The following NPAS3 variants were observed in gnomAD, a reference collection of about 807,000 sequenced individuals.
The protein encoded by NPAS3 is neuronal PAS domain protein 3.
Under a neutral mutation model 73.1 loss-of-function variants are expected in NPAS3, and 14 were observed. The ratio of observed to expected loss-of-function variants is 0.19; its 90% CI spans 0.13 to 0.30. The LOEUF is 0.30. Ranked by LOEUF, NPAS3 falls within the 10% of genes least tolerant of loss-of-function variation. The probability of loss-of-function intolerance (pLI) is 1.00; values close to 1 mark genes in which losing one functional copy is unlikely to be tolerated. For synonymous variants in NPAS3, 620 were observed against 541.5 expected (o/e 1.14, Z -2.01); for missense variants, 1,096 against 1,250.0 (o/e 0.88, Z 1.86).
At chr14:32,947,508 A>C (rs924718529) in intron 1 of NPAS3, among the ~76,000 whole-genome samples, 1 of 152,162 alleles carries the variant, frequency 6.6e-6, no homozygotes, top group Non-Finnish European at 1.5e-5. Context: ...TATATATTCT[A>C]TTCAGGTATA....
intron 5 of NPAS3, among the ~76,000 whole-genome samples, chr14:33,627,443 A>T (rs961337687): frequency 1.3e-5 from 2 of 152,086 alleles, no homozygotes; most frequent in Admixed American, 6.5e-5. Flanking sequence ...AAAAAATTAG[A>T]CTTTAAGTTC....
chr14:33,484,647 A>C (rs1192348489), intron 4 of NPAS3, among the ~76,000 whole-genome samples: 1 of 152,234 alleles, frequency 6.6e-6, no homozygotes, highest in Non-Finnish European at 1.5e-5. Context: ...CACACAGATC[A>C]CATTCAAGTA....
At chr14:32,940,359 C>G (rs1051472587) in intron 1 of NPAS3, among the ~76,000 whole-genome samples, 2 of 152,194 alleles carry the variant, frequency 1.3e-5, no homozygotes, top group Admixed American at 6.5e-5. Flanking sequence ...CTCAGCACCC[C>G]CTCCCCATCA....
intron 1 of NPAS3, among the ~76,000 whole-genome samples, chr14:32,979,441 T>C (rs1380994215): frequency 1.3e-5 from 2 of 152,166 alleles, no homozygotes; most frequent in East Asian, 3.9e-4. Flanking sequence ...TTGTGGTAGG[T>C]AGCAGTATTC....
intron 4 of NPAS3, among the ~76,000 whole-genome samples, chr14:33,400,813 T>A (rs577182023): frequency 6.6e-6 from 1 of 151,974 alleles, no homozygotes; most frequent in Non-Finnish European, 1.5e-5. Context: ...GTATTGATGG[T>A]GTGTGTATGT....
intron 3 of NPAS3, among the ~76,000 whole-genome samples, chr14:33,266,941 C>A (rs1399030711): frequency 6.6e-6 from 1 of 152,140 alleles, no homozygotes; most frequent in Non-Finnish European, 1.5e-5. Flanking sequence ...AATTCTCTCT[C>A]ATTTTCTATC....
At chr14:33,350,663 T>C (rs2044997643) in intron 3 of NPAS3, among the ~76,000 whole-genome samples, 1 of 152,256 alleles carries the variant, frequency 6.6e-6, no homozygotes, top group Admixed American at 6.5e-5. Context: ...GGATTCGTGA[T>C]ACCTGACTAA....
chr14:32,944,642 A>G (rs2036178189), intron 1 of NPAS3, among the ~76,000 whole-genome samples: 1 of 152,176 alleles, frequency 6.6e-6, no homozygotes, highest in Non-Finnish European at 1.5e-5. Context: ...ATTAGTGTGA[A>G]TAGGATGTTT....
chr14:33,643,375 T>TAAAAAAAAAAAAAAAAAAAAAAAA (rs755879056), intron 5 of NPAS3, among the ~76,000 whole-genome samples: 2 of 94,636 alleles, frequency 2.1e-5, no homozygotes, highest in South Asian at 4.2e-4. Flanking sequence ...AAATAAAAAT[T>TAAAAAAAAAAAAAAAAAAAAAAAA]AAAAAAAAAA....
At chr14:33,027,900 G>A (rs911100400) in intron 1 of NPAS3, among the ~76,000 whole-genome samples, 1 of 152,090 alleles carries the variant, frequency 6.6e-6, no homozygotes, top group African/African-American at 2.4e-5. Context: ...AACTTTTCCT[G>A]TGCCTTCTTT....
intron 2 of NPAS3, among the ~76,000 whole-genome samples, chr14:33,154,491 G>T (rs1156381310): frequency 6.6e-6 from 1 of 152,216 alleles, no homozygotes; most frequent in African/African-American, 2.4e-5. Context: ...CCTTTGCACA[G>T]GGACAAATGC....
chr14:33,528,857 G>A (rs954010435), intron 4 of NPAS3, among the ~76,000 whole-genome samples: 4 of 152,086 alleles, frequency 2.6e-5, no homozygotes, highest in Non-Finnish European at 5.9e-5. Flanking sequence ...TAGCGGTCAC[G>A]TGTCACATCA....
At chr14:33,213,630 G>A (rs2047116332) in intron 2 of NPAS3, 3 of 152,168 alleles carry the variant, frequency 2.0e-5, no homozygotes, top group Admixed American at 6.5e-5. Flanking sequence ...TTGTAAATTA[G>A]TAATGTTTCT....
chr14:32,938,485 TTGAG>T (rs1566779282), upstream of NPAS3, among the ~76,000 whole-genome samples: 12 of 21,776 alleles, frequency 5.5e-4, 2 homozygotes, highest in African/African-American at 1.3e-3. Flanking sequence ...GAGAGAGAAA[TTGAG>T]AGAGAGAGAG....
intron 4 of NPAS3, among the ~76,000 whole-genome samples, chr14:33,404,104 TCTAA>T (rs1229342743): frequency 1.3e-5 from 2 of 152,118 alleles, no homozygotes; most frequent in South Asian, 2.1e-4. Flanking sequence ...TTTTTTTGTC[TCTAA>T]CTGAGAACAC....
chr14:33,269,565 A>G (rs1215258901), intron 3 of NPAS3, among the ~76,000 whole-genome samples: 6 of 152,148 alleles, frequency 3.9e-5, no homozygotes, highest in Non-Finnish European at 8.8e-5. Flanking sequence ...CCTATATACT[A>G]TTTAGTAGTT....
intron 4 of NPAS3, among the ~76,000 whole-genome samples, chr14:33,552,812 A>G (rs927241604): frequency 6.6e-6 from 1 of 152,176 alleles, no homozygotes; most frequent in African/African-American, 2.4e-5. Context: ...TACTTCTGCC[A>G]AGGTGGGAAT....
chr14:33,204,272 C>T (rs912804170), intron 2 of NPAS3, among the ~76,000 whole-genome samples: 1 of 152,100 alleles, frequency 6.6e-6, no homozygotes, highest in Non-Finnish European at 1.5e-5. Context: ...GTAATCCGTG[C>T]CACATAAAAA....
At chr14:33,606,347 G>T (rs1276983729) in intron 5 of NPAS3, among the ~76,000 whole-genome samples, 2 of 151,136 alleles carry the variant, frequency 1.3e-5, no homozygotes, top group Non-Finnish European at 2.9e-5. Flanking sequence ...TCTTGCGATA[G>T]TTTACTGAGA....
Sources: gnomAD v4.1 joint callset for allele counts (sites outside exome capture counted in the v4.1 genomes callset) on GRCh38, gnomAD v4.1.1 for gene constraint, MANE v1.5 for transcripts, NCBI Gene and HGNC (gene_info 2026-07-23, HGNC 2026-07-21) for gene names.